The following OR6N1 variants were observed in gnomAD, a reference collection of about 807,000 sequenced individuals.
The protein encoded by OR6N1 is olfactory receptor 6N1.
For synonymous variants in OR6N1, 170 were observed against 150.7 expected (o/e 1.13, Z -0.94); for missense variants, 394 against 371.7 (o/e 1.06, Z -0.49).
At chr1:158,839,937 A>G in the OR6N1 span, among the ~76,000 whole-genome samples, 1 of 152,212 alleles carries the variant, frequency 6.6e-6, no homozygotes, top group Non-Finnish European at 1.5e-5. Flanking sequence ...TTAAACCATA[A>G]CATTCAAATA....
chr1:158,790,209 T>C, the OR6N1 span, among the ~76,000 whole-genome samples: 1 of 152,208 alleles, frequency 6.6e-6, no homozygotes, highest in Non-Finnish European at 1.5e-5. Context: ...TCTGTTGTTA[T>C]GTCAGTACCA....
At chr1:158,817,757 G>A in the OR6N1 span, among the ~76,000 whole-genome samples, 1 of 152,206 alleles carries the variant, frequency 6.6e-6, no homozygotes, top group Non-Finnish European at 1.5e-5. Context: ...GAAAGAGGCA[G>A]CAACACTAGG....
intron 1 of OR6N1, among the ~76,000 whole-genome samples, chr1:158,770,678 G>A (rs1657402206): frequency 6.6e-6 from 1 of 151,932 alleles, no homozygotes; most frequent in Non-Finnish European, 1.5e-5. Context: ...TCACAAAAAG[G>A]AAGGCTAAAA....
the OR6N1 span, among the ~76,000 whole-genome samples, chr1:158,793,552 T>C: frequency 6.6e-6 from 1 of 152,286 alleles, no homozygotes; most frequent in Admixed American, 6.5e-5. Flanking sequence ...TATGAATTTC[T>C]TGGTTATAGA....
Position 158,766,694 on chromosome 1 carries a change from C to CA in OR6N1, c.-13dup. 1 of 1,592,448 alleles carries CA rather than the reference C, an allele frequency of 6.3e-7. No homozygotes were observed. The highest frequency in any genetic ancestry group is 8.6e-7 in the Non-Finnish European group (1 of 1,167,932). On this transcript the variant is annotated 5_prime_UTR_variant, in exon 2 of 2. An upstream start codon of the reference 5' UTR is lost. Transcript: ENST00000641846. Reference sequence around the variant, plus strand: ...TTCCCTGTGTCCATTGCTCACCATTCATGTCCCTAGATGTGAAGTGTGGAA... The same window carrying CA: ...TTCCCTGTGTCCATTGCTCACCATTCAATGTCCCTAGATGTGAAGTGTGGAA...
At chr1:158,771,900 A>T (rs1030478705) in intron 1 of OR6N1, 121 bp downstream of exon 1, 3 of 152,206 alleles carry the variant, frequency 2.0e-5, no homozygotes. Flanking sequence ...TGTTTCAATT[A>T]TGTGTTTTAT....
chr1:158,792,478 T>G, the OR6N1 span, among the ~76,000 whole-genome samples: 1 of 152,174 alleles, frequency 6.6e-6, no homozygotes, highest in Non-Finnish European at 1.5e-5. Flanking sequence ...GTTATTATTT[T>G]ATAAGCCCTT....
chr1:158,820,847 G>GA, the OR6N1 span, among the ~76,000 whole-genome samples: 3 of 151,874 alleles, frequency 2.0e-5, no homozygotes, highest in Admixed American at 1.3e-4. Context: ...CCATGGCCTG[G>GA]AAAAAAAACC....
chr1:158,835,895 T>A, the OR6N1 span, among the ~76,000 whole-genome samples: 1 of 152,006 alleles, frequency 6.6e-6, no homozygotes, highest in African/African-American at 2.4e-5. Flanking sequence ...TGATCATTTT[T>A]TTTTTGTCTT....
chr1:158,833,173 T>C, the OR6N1 span, among the ~76,000 whole-genome samples: 1,172 of 152,280 alleles, frequency 7.7e-3, 17 homozygotes, highest in African/African-American at 0.027. Flanking sequence ...AATTAAAGTA[T>C]TTGCTTGATC....
At chr1:158,807,393 A>G in the OR6N1 span, among the ~76,000 whole-genome samples, 1 of 152,224 alleles carries the variant, frequency 6.6e-6, no homozygotes. Context: ...AGTCTCTTCC[A>G]AGATCTGGTC....
intron 1 of OR6N1, among the ~76,000 whole-genome samples, chr1:158,768,084 T>C (rs964756911): frequency 2.0e-5 from 3 of 152,208 alleles, no homozygotes; most frequent in African/African-American, 7.2e-5. Context: ...CTTCTCATTC[T>C]CCAACTTTAG....
At chr1:158,788,200 C>A in the OR6N1 span, among the ~76,000 whole-genome samples, 1 of 152,056 alleles carries the variant, frequency 6.6e-6, no homozygotes, top group Admixed American at 6.5e-5. Flanking sequence ...ATGTCAGACC[C>A]TGTAAACTAC....
the OR6N1 span, among the ~76,000 whole-genome samples, chr1:158,798,869 C>A: frequency 6.6e-6 from 1 of 152,170 alleles, no homozygotes; most frequent in Non-Finnish European, 1.5e-5. Flanking sequence ...AAGCCACAGA[C>A]CTCCTTCCAC....
chr1:158,796,730 T>C, the OR6N1 span, among the ~76,000 whole-genome samples: 1 of 152,186 alleles, frequency 6.6e-6, no homozygotes, highest in African/African-American at 2.4e-5. Flanking sequence ...TACTGGTTCC[T>C]TGCTTTGTCA....
the OR6N1 span, chr1:158,777,570 A>G: frequency 6.2e-7 from 1 of 1,614,138 alleles, no homozygotes; most frequent in Non-Finnish European, 8.5e-7. Context: ...AGCCCCTGAC[A>G]TAGCCCACAC....
the OR6N1 span, among the ~76,000 whole-genome samples, chr1:158,796,383 C>G: frequency 1.2e-4 from 18 of 152,184 alleles, no homozygotes; most frequent in Non-Finnish European, 2.1e-4. Flanking sequence ...AGGTAATTTT[C>G]TATGTCTTGT....
rs1320257833 is a variant in OR6N1 at position 158,766,703 on chromosome 1, A to G, written c.-18-3T>C. 1 of 1,566,816 alleles carries G rather than the reference A, an allele frequency of 6.4e-7. No homozygotes were observed. Among genetic ancestry groups the G allele is most frequent in the Non-Finnish European group, 8.7e-7 (1 of 1,149,870 alleles). On this transcript the variant is annotated splice_region_variant and splice_polypyrimidine_tract_variant and intron_variant, in intron 1 of 1. Coordinates refer to ENST00000641846, the MANE Select transcript of OR6N1 (RefSeq NM_001005185.2). ...TCCATTGCTCACCATTCATGTCCCT[A>G]GATGTGAAGTGTGGAAGGATAGGAA...
At chr1:158,811,124 A>T in the OR6N1 span, among the ~76,000 whole-genome samples, 1 of 152,222 alleles carries the variant, frequency 6.6e-6, no homozygotes, top group Non-Finnish European at 1.5e-5. Context: ...TATAATTGAG[A>T]ACATGCAGTA....
Sources: gnomAD v4.1 joint callset for allele counts (sites outside exome capture counted in the v4.1 genomes callset) on GRCh38, gnomAD v4.1.1 for gene constraint, MANE v1.5 for transcripts, NCBI Gene and HGNC (gene_info 2026-07-23, HGNC 2026-07-21) for gene names.